Variants in TENM4 observed in about 807,000 individuals in gnomAD.
TENM4 encodes the protein teneurin transmembrane protein 4, also known as teneurin-4.
In TENM4, 82 loss-of-function variants were observed where a neutral mutation model predicts 243.3. The ratio of observed to expected loss-of-function variants is 0.34; its 90% confidence interval spans 0.28 to 0.40. The LOEUF is 0.40. Among genes scored for constraint, TENM4 ranks in the 10% least tolerant of loss-of-function variants. The pLI is 1.00. For synonymous variants in TENM4, 1,412 were observed against 1,456.3 expected, an observed-to-expected ratio of 0.97 and a Z score of 0.69; for missense variants, 3,138 against 3,673.3, an observed-to-expected ratio of 0.85 and a Z score of 3.77.
At chr11:78,685,846 CAG>C (rs1383558321) in intron 29 of TENM4, among the ~76,000 whole-genome samples, 1 of 152,220 alleles carries the variant, frequency 6.6e-6, no homozygotes, top group African/African-American at 2.4e-5. Flanking sequence ...ATAATCCAGT[CAG>C]AGCATAAATC....
intron 18 of TENM4, among the ~76,000 whole-genome samples, chr11:78,766,256 T>G (rs1047474477): frequency 6.6e-6 from 1 of 152,230 alleles, no homozygotes; most frequent in African/African-American, 2.4e-5. Context: ...CCTTTCAATA[T>G]ATAACCTGTG....
chr11:79,192,077 G>A (rs188698362), intron 3 of TENM4, among the ~76,000 whole-genome samples: 3,853 of 146,230 alleles, frequency 0.026, 206 homozygotes, highest in African/African-American at 0.096. Context: ...CAGCCGTCCC[G>A]TCCGGGAGGG....
intron 16 of TENM4, among the ~76,000 whole-genome samples, chr11:78,782,395 T>C (rs747783552): frequency 2.6e-5 from 4 of 151,936 alleles, no homozygotes; most frequent in African/African-American, 9.7e-5. Context: ...GTCAGGAGTT[T>C]GAGATCAGCG....
intron 10 of TENM4, 32 bp from the exon 11 acceptor site, chr11:78,856,210 C>T: frequency 1.4e-5 from 22 of 1,543,164 alleles, no homozygotes; most frequent in Non-Finnish European, 1.4e-5. Context: ...AAGACAAAGA[C>T]ATCTCGGTTA....
At chr11:78,831,999 A>C (rs936151545) in intron 12 of TENM4, among the ~76,000 whole-genome samples, 1 of 152,258 alleles carries the variant, frequency 6.6e-6, no homozygotes, top group African/African-American at 2.4e-5. Flanking sequence ...AGTCAGGCAC[A>C]GTGCTGGTAC....
intron 6 of TENM4, among the ~76,000 whole-genome samples, chr11:78,975,091 G>A (rs1857621657): frequency 6.6e-6 from 1 of 150,902 alleles, no homozygotes. Context: ...TCCTTGCCCT[G>A]GAGAGGCATG....
rs1485990769 is a variant in TENM4, at chr11:78,738,574, T to C, written c.2757-4A>G. The C allele has an allele frequency of 1.1e-5, 17 of 1,613,098 alleles. No homozygotes were observed. Among genetic ancestry groups the C allele is most frequent in the Non-Finnish European group, 1.4e-5 (17 of 1,179,576 alleles). ...GCCACGAATAACACAAGCATGCCTG[T>C]GGGAAGAGAAGAGAGAATAAACATG... On this transcript the variant is annotated splice_region_variant and splice_polypyrimidine_tract_variant and intron_variant, in intron 19 of 33. Transcript: ENST00000278550.
chr11:79,020,145 T>C (rs1316965806), intron 6 of TENM4, among the ~76,000 whole-genome samples: 1 of 152,176 alleles, frequency 6.6e-6, no homozygotes. Flanking sequence ...CAAAGCTTCT[T>C]GTCTTCTGGC....
intron 4 of TENM4, among the ~76,000 whole-genome samples, chr11:79,078,290 A>G (rs1860582253): frequency 6.6e-6 from 1 of 152,200 alleles, no homozygotes; most frequent in African/African-American, 2.4e-5. Flanking sequence ...TGTGTGTCAA[A>G]AAGGGCCCAT....
rs561050162 is a variant in TENM4 at position 78,654,772 on chromosome 11, C to T, written c.*3286G>A. 5 of 151,766 alleles carry T rather than the reference C, an allele frequency of 3.3e-5. No individual in the cohort carries two copies. In the East Asian group the frequency reaches 7.8e-4, roughly 24 times the overall value. 9.4% of individuals were successfully genotyped at this position (151,766 alleles called of 1,614,324 possible). A position where few individuals can be genotyped will look rare whatever the true frequency, so the allele number is the denominator to read the frequency against. ...TTACCTGCATGCCTTCCCCTTCCTC[C>T]AGTCTGCCCTCCAGCAATGTCTGTT... On this transcript the variant is annotated 3_prime_UTR_variant, in exon 34 of 34. Coordinates refer to ENST00000278550, the MANE Select transcript of TENM4 (RefSeq NM_001098816.3).
At chr11:78,733,775 G>C (rs1855724585) in intron 20 of TENM4, among the ~76,000 whole-genome samples, 2 of 152,190 alleles carry the variant, frequency 1.3e-5, no homozygotes, top group South Asian at 4.1e-4. Context: ...TCAGATTATA[G>C]ATAATGGGAA....
chr11:79,328,613 C>T (rs1428992126), intron 1 of TENM4, among the ~76,000 whole-genome samples: 1 of 151,894 alleles, frequency 6.6e-6, no homozygotes, highest in Non-Finnish European at 1.5e-5. Flanking sequence ...GGTGTGGGGA[C>T]CGAGGGAGGC....
chr11:79,323,844 T>G (rs1182595592), intron 1 of TENM4, among the ~76,000 whole-genome samples: 1 of 152,022 alleles, frequency 6.6e-6, no homozygotes, highest in Non-Finnish European at 1.5e-5. Context: ...TGTGAGTCAA[T>G]TCCATAAAAT....
intron 12 of TENM4, among the ~76,000 whole-genome samples, chr11:78,821,310 G>T (rs144216931): frequency 6.6e-6 from 1 of 152,174 alleles, no homozygotes; most frequent in Non-Finnish European, 1.5e-5. Flanking sequence ...GTTCTCCAAA[G>T]AGTCTTGTGA....
At chr11:79,308,205 G>T (rs944912341) in intron 1 of TENM4, among the ~76,000 whole-genome samples, 4 of 152,330 alleles carry the variant, frequency 2.6e-5, no homozygotes, top group South Asian at 2.1e-4. Flanking sequence ...TCGCCTTTTT[G>T]TCCCATGGAC....
At chr11:79,359,913 C>T (rs755257335) in intron 1 of TENM4, among the ~76,000 whole-genome samples, 12 of 151,642 alleles carry the variant, frequency 7.9e-5, no homozygotes, top group African/African-American at 7.3e-5. Context: ...GTTCATGGGC[C>T]GGATGAAAAA....
intron 6 of TENM4, among the ~76,000 whole-genome samples, chr11:79,047,442 C>CT (rs1475676939): frequency 6.6e-6 from 1 of 152,216 alleles, no homozygotes; most frequent in African/African-American, 2.4e-5. Context: ...ATCAAGCTCA[C>CT]TCGTGCTCTC....
intron 20 of TENM4, among the ~76,000 whole-genome samples, chr11:78,736,479 T>TGTGTGTGTGTGC (rs796898751): frequency 1.8e-4 from 18 of 99,402 alleles, no homozygotes; most frequent in African/African-American, 5.3e-4. Context: ...TGTGTGTGTG[T>TGTGTGTGTGTGC]GCGCGCGCGT....
chr11:79,324,986 C>T (rs1856950269), intron 1 of TENM4, among the ~76,000 whole-genome samples: 1 of 152,188 alleles, frequency 6.6e-6, no homozygotes, highest in African/African-American at 2.4e-5. Flanking sequence ...AGGGAAATGC[C>T]AATGGCCACT....
Sources: gnomAD v4.1 joint callset for allele counts (sites outside exome capture counted in the v4.1 genomes callset) on GRCh38, gnomAD v4.1.1 for gene constraint, MANE v1.5 for transcripts, NCBI Gene and HGNC (gene_info 2026-07-23, HGNC 2026-07-21) for gene names.